CAPRIN1: variants seen among roughly 807,000 people sequenced by gnomAD.
CAPRIN1 encodes the protein caprin-1.
In CAPRIN1, 29 loss-of-function variants were observed where a neutral mutation model predicts 100.9. That is an observed-to-expected ratio of 0.29 (90% CI 0.21 to 0.39). The LOEUF is 0.39. CAPRIN1 is among the 10% of genes least tolerant of loss of function. The probability of loss-of-function intolerance (pLI) is 1.00; values close to 1 mark genes in which losing one functional copy is unlikely to be tolerated. For synonymous variants in CAPRIN1, 338 were observed against 307.5 expected (o/e 1.10, Z -1.04); for missense variants, 795 against 876.7 (o/e 0.91, Z 1.18).
chr11:34,068,445 T>C (rs1218692618), intron 2 of CAPRIN1, among the ~76,000 whole-genome samples: 1 of 152,232 alleles, frequency 6.6e-6, no homozygotes, highest in African/African-American at 2.4e-5. Flanking sequence ...TGAGACTGCA[T>C]GCAGATTTTG....
At chr11:34,078,818 T>C (rs1850956056) in intron 6 of CAPRIN1, among the ~76,000 whole-genome samples, 6 of 152,214 alleles carry the variant, frequency 3.9e-5, no homozygotes. Flanking sequence ...CTCTTCTGGA[T>C]TTCAACTCTT....
At chr11:34,085,844 A>G (rs4755359) in intron 9 of CAPRIN1, among the ~76,000 whole-genome samples, 129,233 of 152,202 alleles carry the variant, frequency 0.85, 55,685 homozygotes, top group East Asian at 1. Flanking sequence ...TCAACATGAA[A>G]TGCTACATAG....
rs960334055 is a variant in CAPRIN1, at chr11:34,099,752, T to C, written c.*385T>C. ...AATCTACAAATCAGCCCTCGAGTTATTCAATGATAACTGACAAACTAAATT... is the reference window on the plus strand; with the variant it reads ...AATCTACAAATCAGCCCTCGAGTTACTCAATGATAACTGACAAACTAAATT... On this transcript the variant is annotated 3_prime_UTR_variant, in exon 19 of 19. Transcript: ENST00000341394. The C allele has an allele frequency of 1.2e-5, 2 of 169,366 alleles. No individual in the cohort carries two copies. Among genetic ancestry groups the C allele is most frequent in the Non-Finnish European group, 2.5e-5 (2 of 79,378 alleles). 10.5% of individuals were successfully genotyped at this position (169,366 alleles called of 1,614,324 possible).
chr11:34,090,838 T>G (rs1270265409), intron 14 of CAPRIN1, among the ~76,000 whole-genome samples, 160 bp downstream of exon 14: 2 of 152,230 alleles, frequency 1.3e-5, no homozygotes, highest in African/African-American at 4.8e-5. Flanking sequence ...TTCCAGAGAT[T>G]AACTGATACT....
chr11:34,100,067 C>T lies in CAPRIN1; in HGVS notation c.*700C>T, dbSNP rs1392546713. On this transcript the variant is annotated 3_prime_UTR_variant, in exon 19 of 19. Transcript: ENST00000341394. ...TGATTGGCACTTTTTGAAAAATATGCAACAAATATGGGATGTAATCCGGAT... is the reference window on the plus strand; with the variant it reads ...TGATTGGCACTTTTTGAAAAATATGTAACAAATATGGGATGTAATCCGGAT... The T allele has an allele frequency of 1.3e-5, 2 of 152,592 alleles. No homozygotes were observed. The highest frequency in any genetic ancestry group is 2.9e-5 in the Non-Finnish European group (2 of 68,030). 9.5% of individuals were successfully genotyped at this position (152,592 alleles called of 1,614,324 possible).
intron 2 of CAPRIN1, among the ~76,000 whole-genome samples, chr11:34,058,261 C>T (rs190837538): frequency 2.6e-5 from 4 of 151,390 alleles, no homozygotes; most frequent in East Asian, 4.0e-4. Flanking sequence ...CTCAGCCTCC[C>T]GAGTAGCTGG....
At chr11:34,089,277 CCCCCG>C (rs1851215310) in intron 11 of CAPRIN1, 113 bp from the exon 12 acceptor site, 7 of 21,416 alleles carry the variant, frequency 3.3e-4, no homozygotes, top group Admixed American at 5.0e-4. Flanking sequence ...CCCCCCCCCC[CCCCCG>C]CAAAAAAAAA....
intron 7 of CAPRIN1, among the ~76,000 whole-genome samples, chr11:34,082,343 A>G (rs879557553): frequency 3.3e-5 from 5 of 151,920 alleles, no homozygotes; most frequent in Non-Finnish European, 7.4e-5. Flanking sequence ...GTCCGCCACC[A>G]TGCCCGGCTA....
intron 2 of CAPRIN1, among the ~76,000 whole-genome samples, chr11:34,060,048 T>C (rs939237403): frequency 1.3e-5 from 2 of 151,184 alleles, no homozygotes; most frequent in Admixed American, 6.6e-5. Context: ...TATGAAAAAT[T>C]AGCTGGGCAT....
intron 4 of CAPRIN1, among the ~76,000 whole-genome samples, chr11:34,074,729 A>T (rs1850873338): frequency 6.6e-6 from 1 of 152,238 alleles, no homozygotes; most frequent in African/African-American, 2.4e-5. Context: ...CTAAAAATAC[A>T]AAAATTAGCC....
intron 15 of CAPRIN1, among the ~76,000 whole-genome samples, chr11:34,092,959 C>G (rs1851290774): frequency 1.3e-5 from 2 of 151,908 alleles, no homozygotes; most frequent in Admixed American, 1.3e-4. Flanking sequence ...CTCAATGATC[C>G]TCCTCCCTCA....
chr11:34,061,928 C>A (rs1160961454), intron 2 of CAPRIN1, among the ~76,000 whole-genome samples: 1 of 141,304 alleles, frequency 7.1e-6, no homozygotes, highest in Admixed American at 7.6e-5. Context: ...CAAGATCGCA[C>A]CACTACACTC....
intron 15 of CAPRIN1, among the ~76,000 whole-genome samples, chr11:34,092,547 T>C (rs1851284144): frequency 6.6e-6 from 1 of 151,932 alleles, no homozygotes; most frequent in Non-Finnish European, 1.5e-5. Flanking sequence ...TTTGGTAAAG[T>C]TGGGGTTTCA....
At position 34,052,654 on chromosome 11, in the gene CAPRIN1, G is replaced by C; in HGVS notation, c.216+18G>C. 6.3e-7 allele frequency: 1 copy of C among 1,589,954 alleles called. No individual in the cohort carries two copies. Among genetic ancestry groups the C allele is most frequent in the Non-Finnish European group, 8.6e-7 (1 of 1,167,608 alleles). On this transcript the variant is annotated intron_variant, in intron 2 of 18. Transcript: ENST00000341394. ...AGAAAAAGGTGCCAGGAGTTGGCGG[G>C]GAAGGGAGGGGTGGCTGCGGCCGGG...
intron 9 of CAPRIN1, among the ~76,000 whole-genome samples, chr11:34,084,063 T>A (rs1159508643): frequency 6.6e-6 from 1 of 151,884 alleles, no homozygotes. Context: ...AGACTCTGTC[T>A]CAAGAAGAAA....
rs562982026 is a variant in CAPRIN1 at position 34,097,393 on chromosome 11, GT to G, written c.2001+99del. 3.2e-3 allele frequency: 3,358 copies of G among 1,039,578 alleles called. 17 individuals carry two copies. The highest frequency in any genetic ancestry group is 4.4e-3 in the Non-Finnish European group (3,016 of 680,520). The allele number at this position is 1,039,578 out of a possible 1,614,324, so 64.4% of individuals were successfully genotyped here. On this transcript the variant is annotated intron_variant, in intron 17 of 18. Transcript: ENST00000341394. Reference sequence around the variant, plus strand: ...AATGAACCTAAGTAACTAATTTGGCGTTAACTTTGTGGTGTCCAAGACACTC... The same window carrying G: ...AATGAACCTAAGTAACTAATTTGGCGTAACTTTGTGGTGTCCAAGACACTC...
chr11:34,064,917 AAAC>A (rs1425328299), intron 2 of CAPRIN1, among the ~76,000 whole-genome samples: 16 of 150,652 alleles, frequency 1.1e-4, no homozygotes, highest in Admixed American at 6.0e-4. Flanking sequence ...AAAGTTTATT[AAAC>A]AACTTACTTC....
At chr11:34,080,406 G>A (rs972045303) in intron 7 of CAPRIN1, among the ~76,000 whole-genome samples, 1 of 152,106 alleles carries the variant, frequency 6.6e-6, no homozygotes, top group South Asian at 2.1e-4. Context: ...TTTCAAATAG[G>A]TTTCTGTCTG....
chr11:34,079,527 C>T, intron 6 of CAPRIN1, 101 bp from the exon 7 acceptor site: 1 of 893,376 alleles, frequency 1.1e-6, no homozygotes, highest in South Asian at 1.7e-5. Flanking sequence ...GTTTTAGTAA[C>T]AGTTATTTTT....
Sources: gnomAD v4.1 joint callset for allele counts (sites outside exome capture counted in the v4.1 genomes callset) on GRCh38, gnomAD v4.1.1 for gene constraint, MANE v1.5 for transcripts, NCBI Gene and HGNC (gene_info 2026-07-23, HGNC 2026-07-21) for gene names.